The following DNAH9 variants were observed in gnomAD, a reference collection of about 807,000 sequenced individuals.
The protein encoded by DNAH9 is DNAH9 variant protein.
Under a neutral mutation model 471.6 loss-of-function variants are expected in DNAH9, and 345 were observed. The observed-to-expected ratio is 0.73, with a 90% confidence interval of 0.67 to 0.80. The LOEUF is 0.80. Among genes scored for constraint, DNAH9 ranks in the 30% least tolerant of loss-of-function variants. The probability of loss-of-function intolerance (pLI) is 0.00; values close to 1 mark genes in which losing one functional copy is unlikely to be tolerated. For synonymous variants in DNAH9, 2,093 were observed against 2,123.6 expected (o/e 0.99, Z 0.40); for missense variants, 5,407 against 5,609.2 (o/e 0.96, Z 1.15).
chr17:11,740,110 C>T (rs1444409412), intron 29 of DNAH9, among the ~76,000 whole-genome samples: 3 of 152,174 alleles, frequency 2.0e-5, no homozygotes, highest in African/African-American at 7.2e-5. Flanking sequence ...TGCTGGAATG[C>T]CAACAAGCTG....
At chr17:11,855,694 G>A (rs1971602605) in intron 50 of DNAH9, among the ~76,000 whole-genome samples, 1 of 152,158 alleles carries the variant, frequency 6.6e-6, no homozygotes, top group African/African-American at 2.4e-5. Flanking sequence ...CAACAGCTTA[G>A]ATCTTGAATT....
At chr17:11,732,089 A>G (rs1433278012) in intron 28 of DNAH9, among the ~76,000 whole-genome samples, 2 of 152,186 alleles carry the variant, frequency 1.3e-5, no homozygotes, top group African/African-American at 2.4e-5. Context: ...ACAATGTACT[A>G]ATCAATGAGG....
chr17:11,676,139 CTTTTAGTAAGTCAT>C (rs2074045649), intron 17 of DNAH9, among the ~76,000 whole-genome samples: 1 of 151,970 alleles, frequency 6.6e-6, no homozygotes. Context: ...TCGTAAGTCA[CTTTTAGTAAGTCAT>C]ATTTTCTAGG....
rs2074558858 is a variant in DNAH9 at position 11,699,791 on chromosome 17, G to A, written c.4933G>A (p.Ala1645Thr). ...NMAKMRFQLD[A>T]SGEPTKTSLG... ...GGCCAAGATGCGATTCCAGCTAGAT[G>A]CCAGTGGGGAACCAACCAAGACAAG... Residue 1645 changes from alanine to threonine, a missense_variant, in exon 23 of 69, where the codon GCC becomes ACC. Coordinates refer to ENST00000262442, the MANE Select transcript of DNAH9 (RefSeq NM_001372.4). 1 of 1,614,050 alleles carries A rather than the reference G, an allele frequency of 6.2e-7. No individual in the cohort carries two copies. The highest frequency in any genetic ancestry group is 1.3e-5 in the African/African-American group (1 of 74,920).
intron 14 of DNAH9, among the ~76,000 whole-genome samples, chr17:11,657,091 A>G (rs770398167): frequency 2.0e-4 from 31 of 152,140 alleles, no homozygotes; most frequent in Admixed American, 6.5e-5. Flanking sequence ...TTCTCTTGAG[A>G]ACTGCAGGGT....
At position 11,747,622 on chromosome 17, in the gene DNAH9, G is replaced by A. The variant is rs769107986; in HGVS notation, c.6466G>A (p.Gly2156Ser). ...ATTTGTGGTGGGTGGCGCTGGTACC[G>A]GCAAGTCACAGGTGCTGAGGTCCTT... ...SVFVVGGAGT[G>S]KSQVLRSLHK... Residue 2156 changes from glycine (G) to serine (S), a missense_variant, in exon 32 of 69, where the codon GGC becomes AGC. Physicochemically the swap from Gly to Ser is moderately conservative, Grantham distance 56. Coordinates refer to ENST00000262442, the MANE Select transcript of DNAH9 (RefSeq NM_001372.4). 1.7e-5 allele frequency: 28 copies of A among 1,613,936 alleles called. No homozygotes were observed. The highest frequency in any genetic ancestry group is 1.1e-4 in the East Asian group (5 of 44,870).
chr17:11,618,161 C>A (rs1037001751), intron 5 of DNAH9, among the ~76,000 whole-genome samples: 2 of 152,202 alleles, frequency 1.3e-5, no homozygotes, highest in African/African-American at 4.8e-5. Context: ...ATGTGCCCTG[C>A]ACATGGTAAG....
In DNAH9 at chr17:11,605,674, A is replaced by ATTT. The variant is rs59748847; in HGVS notation, c.418-2446_418-2444dup. On this transcript the variant is annotated intron_variant, in intron 1 of 68. Transcript: ENST00000262442. ...GCCACTACAACCGGGCAATTTTTCT[A>ATTT]TTTTTTTTTTTGTACAGATGAGGTC... Among the ~76,000 whole-genome samples the ATTT allele has an allele frequency of 7.3e-3, 1,061 of 145,012 alleles. 30 individuals carry two copies. Among genetic ancestry groups the ATTT allele is most frequent in the African/African-American group, 0.024 (932 of 38,818 alleles).
Position 11,962,194 on chromosome 17 carries a change from C to A in DNAH9, c.13171C>A (p.Pro4391Thr). The change falls in exon 68 of 69, where the codon CCT becomes ACT. Residue 4391 changes from proline to threonine, a missense_variant. Physicochemically the swap from Pro to Thr is conservative, Grantham distance 38 (BLOSUM62 -1). This residue lies in a region of DNAH9 where 4,636 missense variants were observed against 4,900.3 expected (regional missense o/e 0.95). Coordinates refer to ENST00000262442, the MANE Select transcript of DNAH9 (RefSeq NM_001372.4). This position sits in a 1 kb window ranked among gnomAD's most constrained non-coding sequence, Gnocchi z 4.1. ...GAAGAACAGAGAAGAGTTTAGGAGTCCTCCTCGGGAAGGGGCCTACATCCA... is the reference window on the plus strand; with the variant it reads ...GAAGAACAGAGAAGAGTTTAGGAGTACTCCTCGGGAAGGGGCCTACATCCA... ...TKKNREEFRS[P>T]PREGAYIHGL... The A allele has an allele frequency of 6.2e-7, 1 of 1,614,080 alleles. No individual in the cohort carries two copies. Among genetic ancestry groups the A allele is most frequent in the South Asian group, 1.1e-5 (1 of 91,078 alleles).
intron 53 of DNAH9, among the ~76,000 whole-genome samples, chr17:11,878,912 C>A (rs1276882921): frequency 6.6e-6 from 1 of 152,128 alleles, no homozygotes. Flanking sequence ...GAAATCCAAT[C>A]AATTTAAATA....
intron 48 of DNAH9, among the ~76,000 whole-genome samples, chr17:11,833,692 C>T (rs1350978640): frequency 6.6e-6 from 1 of 152,140 alleles, no homozygotes; most frequent in Non-Finnish European, 1.5e-5. Context: ...AGTCCGACTT[C>T]CTACAAGTCT....
chr17:11,914,478 C>A (rs1424404617), intron 61 of DNAH9, among the ~76,000 whole-genome samples: 1 of 152,038 alleles, frequency 6.6e-6, no homozygotes, highest in Non-Finnish European at 1.5e-5. Flanking sequence ...TATCCCATGT[C>A]TTTTATTTTC....
rs145391453 is a variant in DNAH9, at chr17:11,903,316, C to T, written c.11600+404C>T. On this transcript the variant is annotated intron_variant, in intron 60 of 68. Coordinates refer to ENST00000262442, the MANE Select transcript of DNAH9 (RefSeq NM_001372.4). Reference sequence around the variant, plus strand: ...TTGCGTCACTACACTCCAGCCTGGGCGACAGAGTGAGACTTCATCTCAAAA... The same window carrying T: ...TTGCGTCACTACACTCCAGCCTGGGTGACAGAGTGAGACTTCATCTCAAAA... Among the ~76,000 whole-genome samples the T allele has an allele frequency of 2.4e-4, 36 of 150,488 alleles. No homozygotes were observed. In the East Asian group the frequency reaches 5.7e-3, roughly 24 times the overall value.
chr17:11,856,736 C>T (rs1339552519), intron 50 of DNAH9, among the ~76,000 whole-genome samples: 1 of 151,634 alleles, frequency 6.6e-6, no homozygotes, highest in Admixed American at 6.6e-5. Flanking sequence ...GGCAAAGCAA[C>T]TCACCTCCTC....
intron 19 of DNAH9, among the ~76,000 whole-genome samples, chr17:11,681,807 G>A (rs988838518): frequency 2.6e-5 from 4 of 152,146 alleles, no homozygotes; most frequent in African/African-American, 7.2e-5. Flanking sequence ...TCACTGGAAC[G>A]AAGTTCAATA....
chr17:11,829,183 A>G (rs1597706605), intron 48 of DNAH9, among the ~76,000 whole-genome samples: 2 of 152,188 alleles, frequency 1.3e-5, no homozygotes, highest in Admixed American at 6.5e-5. Context: ...CTTAATCTGC[A>G]GTTGTTCCTT....
chr17:11,960,634 C>A (rs1472993288), intron 67 of DNAH9, among the ~76,000 whole-genome samples: 1 of 151,536 alleles, frequency 6.6e-6, no homozygotes, highest in Admixed American at 6.6e-5. Flanking sequence ...TGACAGATGC[C>A]TGTAATCCCA....
chr17:11,621,250 A>C (rs942400290), intron 6 of DNAH9, among the ~76,000 whole-genome samples: 24 of 151,940 alleles, frequency 1.6e-4, no homozygotes, highest in African/African-American at 5.3e-4. Context: ...TCTACTAAAA[A>C]GACAAAAATT....
At chr17:11,805,957 C>G (rs1969664273) in intron 43 of DNAH9, among the ~76,000 whole-genome samples, 1 of 152,142 alleles carries the variant, frequency 6.6e-6, no homozygotes, top group Admixed American at 6.5e-5. Flanking sequence ...GTCTCAAACT[C>G]CTGCCCTCAG....
Sources: gnomAD v4.1 joint callset for allele counts (sites outside exome capture counted in the v4.1 genomes callset) on GRCh38, gnomAD v4.1.1 for gene constraint, gnomAD v4.1.1 regional missense constraint, Gnocchi (gnomAD v3.1) non-coding constraint, MANE v1.5 for transcripts, NCBI Gene and HGNC (gene_info 2026-07-23, HGNC 2026-07-21) for gene names.